PDE4D: variants seen among roughly 807,000 people sequenced by gnomAD.
PDE4D encodes the protein phosphodiesterase 4D, also known as 3',5'-cyclic-AMP phosphodiesterase 4D.
In PDE4D, 24 loss-of-function variants were observed where a neutral mutation model predicts 87.4. That is an observed-to-expected ratio of 0.27 (90% confidence interval 0.20 to 0.39). PDE4D has a LOEUF of 0.39. Among genes scored for constraint, PDE4D ranks in the 10% least tolerant of loss-of-function variants. The pLI is 1.00. For synonymous variants in PDE4D, 384 were observed against 383.2 expected, an observed-to-expected ratio of 1.00 and a Z score of -0.02; for missense variants, 714 against 1,041.0, an observed-to-expected ratio of 0.69 and a Z score of 4.32.
At chr5:59,531,617 C>T (rs1814228177) in intron 1 of PDE4D, among the ~76,000 whole-genome samples, 1 of 152,162 alleles carries the variant, frequency 6.6e-6, no homozygotes, top group African/African-American at 2.4e-5. Context: ...AATCTGCTTC[C>T]TTGCCCTTTC....
chr5:60,322,419 A>AC, intron 1 of PDE4D, among the ~76,000 whole-genome samples: 1 of 139,072 alleles, frequency 7.2e-6, no homozygotes, highest in South Asian at 2.3e-4. Flanking sequence ...CACACACAAA[A>AC]CCCTAACATA....
intron 1 of PDE4D, among the ~76,000 whole-genome samples, chr5:59,673,734 G>A (rs1049026422): frequency 1.3e-5 from 2 of 152,112 alleles, no homozygotes; most frequent in African/African-American, 2.4e-5. Context: ...TGAAAGAAGA[G>A]AAATAGAATA....
intron 6 of PDE4D, among the ~76,000 whole-genome samples, chr5:59,010,907 C>T (rs10035396): frequency 0.1 from 15,339 of 152,170 alleles, 1,038 homozygotes; most frequent in Non-Finnish European, 0.13. Context: ...GGCCAACTGA[C>T]ACCTCATACA....
intron 1 of PDE4D, among the ~76,000 whole-genome samples, chr5:60,428,914 C>A (rs1298467930): frequency 1.3e-5 from 2 of 152,166 alleles, no homozygotes; most frequent in Non-Finnish European, 2.9e-5. Context: ...AGACAGACTT[C>A]GGTCCAAAGT....
chr5:59,859,342 T>C (rs536790916), intron 1 of PDE4D, among the ~76,000 whole-genome samples: 1 of 152,272 alleles, frequency 6.6e-6, no homozygotes, highest in East Asian at 1.9e-4. Context: ...AGTGTAGGTG[T>C]ATAGAGGGTG....
At chr5:60,095,022 T>G (rs966151067) in intron 2 of PDE4D, among the ~76,000 whole-genome samples, 11 of 152,154 alleles carry the variant, frequency 7.2e-5, no homozygotes, top group African/African-American at 2.4e-4. Flanking sequence ...CATAATATAA[T>G]TTTTTAACAT....
chr5:59,796,330 C>G (rs1430481014), intron 1 of PDE4D, among the ~76,000 whole-genome samples: 1 of 152,190 alleles, frequency 6.6e-6, no homozygotes, highest in Non-Finnish European at 1.5e-5. Flanking sequence ...TGAAATTACT[C>G]TTCATGCACA....
intron 3 of PDE4D, among the ~76,000 whole-genome samples, chr5:59,977,105 T>A (rs998964949): frequency 4.6e-5 from 7 of 152,152 alleles, no homozygotes; most frequent in Non-Finnish European, 1.0e-4. Flanking sequence ...GAGTTACAGG[T>A]CTCTCGCATT....
chr5:59,901,280 A>G (rs536292444), intron 3 of PDE4D, among the ~76,000 whole-genome samples: 2 of 152,326 alleles, frequency 1.3e-5, no homozygotes, highest in South Asian at 4.1e-4. Context: ...TGAGTTATTT[A>G]AGAATACCAG....
intron 1 of PDE4D, among the ~76,000 whole-genome samples, chr5:59,542,844 G>T (rs568927395): frequency 6.6e-6 from 1 of 152,120 alleles, no homozygotes; most frequent in African/African-American, 2.4e-5. Flanking sequence ...AATATTTCCT[G>T]CTAGTGGACA....
intron 1 of PDE4D, among the ~76,000 whole-genome samples, chr5:59,589,494 T>C (rs1282221630): frequency 1.3e-5 from 2 of 152,210 alleles, no homozygotes; most frequent in Non-Finnish European, 2.9e-5. Context: ...ATTTTAAAAC[T>C]AACATTCAGT....
Position 60,015,239 on chromosome 5 carries a change from G to C in PDE4D, c.43-26522C>G, listed in dbSNP as rs1389522564. On this transcript the variant is annotated intron_variant, in intron 2 of 16. Coordinates refer to the PDE4D transcript ENST00000502484. ...GCTGGGCCCAGCACTGTAATGTGAT[G>C]AGACTTTCTGAAAAGGGACAAGAAG... Among the ~76,000 whole-genome samples the C allele has an allele frequency of 1.3e-5, 2 of 152,200 alleles. 1 individual carries two copies. The highest frequency in any genetic ancestry group is 2.9e-5 in the Non-Finnish European group (2 of 68,032).
In PDE4D at chr5:59,201,663, A is replaced by G. The variant is rs186005544; in HGVS notation, c.648-8127T>C. 1.8e-3 allele frequency among the ~76,000 whole-genome samples: 273 copies of G among 152,312 alleles called. 1 individual carries two copies. The highest frequency in any genetic ancestry group is 6.4e-3 in the African/African-American group (267 of 41,570). The stretch of plus-strand genomic sequence containing the variant: ...TTTTAATTTGAAACTAGCTCCATTT[A>G]AGTCAAAATAAATTAAGCAGTACAT... On this transcript the variant is annotated intron_variant, in intron 2 of 14. Transcript: ENST00000340635.
intron 1 of PDE4D, among the ~76,000 whole-genome samples, chr5:59,289,224 T>C (rs1266862837): frequency 6.6e-6 from 1 of 152,224 alleles, no homozygotes; most frequent in Middle Eastern, 3.4e-3. Context: ...AGAGTTTTTA[T>C]TGGTTTTCCC....
At chr5:59,865,547 C>T (rs1464555683) in intron 1 of PDE4D, among the ~76,000 whole-genome samples, 1 of 152,128 alleles carries the variant, frequency 6.6e-6, no homozygotes, top group African/African-American at 2.4e-5. Flanking sequence ...AACTCAATGA[C>T]AAATCTAGCA....
intron 1 of PDE4D, among the ~76,000 whole-genome samples, chr5:60,351,017 G>T (rs1759139677): frequency 1.3e-5 from 2 of 152,140 alleles, no homozygotes; most frequent in Non-Finnish European, 2.9e-5. Context: ...AGATAAAAAG[G>T]TCTCAGGTGC....
intron 1 of PDE4D, among the ~76,000 whole-genome samples, chr5:59,850,422 T>C (rs1744504372): frequency 6.6e-6 from 1 of 152,046 alleles, no homozygotes. Flanking sequence ...AGGGTTGTTA[T>C]AAGAATAAAA....
intron 1 of PDE4D, among the ~76,000 whole-genome samples, chr5:59,585,139 A>T (rs1021346319): frequency 6.6e-6 from 1 of 152,118 alleles, no homozygotes; most frequent in African/African-American, 2.4e-5. Context: ...TGGTCAGCAA[A>T]AAAGGTAGAT....
chr5:59,287,404 G>A (rs1368899049), intron 1 of PDE4D, among the ~76,000 whole-genome samples: 2 of 152,060 alleles, frequency 1.3e-5, no homozygotes, highest in African/African-American at 2.4e-5. Context: ...GTAGAATAGA[G>A]TACCGGTAGA....
Sources: allele counts gnomAD v4.1 joint callset (sites outside exome capture counted in the v4.1 genomes callset), GRCh38; gene constraint gnomAD v4.1.1; transcripts MANE v1.5; gene names NCBI Gene and HGNC (gene_info 2026-07-23, HGNC 2026-07-21).